Variants in H6PD observed in about 807,000 individuals in gnomAD.
H6PD encodes the protein hexose-6-phosphate dehydrogenase/glucose 1-dehydrogenase.
A neutral mutation model predicts 61.2 loss-of-function variants in H6PD; 48 were observed. The ratio of observed to expected loss-of-function variants is 0.78; its 90% CI spans 0.62 to 1.00. The LOEUF is 1.00. H6PD is among the 50% of genes least tolerant of loss of function. The probability of loss-of-function intolerance (pLI) is 0.00; values close to 1 mark genes in which losing one functional copy is unlikely to be tolerated. For synonymous variants in H6PD, 480 were observed against 457.9 expected, an observed-to-expected ratio of 1.05 and a Z score of -0.62; for missense variants, 1,093 against 1,065.0, an observed-to-expected ratio of 1.03 and a Z score of -0.37.
intron 3 of H6PD, among the ~76,000 whole-genome samples, chr1:9,250,990 C>T (rs1641343586): frequency 6.6e-6 from 1 of 152,190 alleles, no homozygotes; most frequent in African/African-American, 2.4e-5. Context: ...GAAAGGAAGA[C>T]GCGATCTGGT....
intron 3 of H6PD, among the ~76,000 whole-genome samples, chr1:9,248,370 G>C (rs1315668025): frequency 6.6e-6 from 1 of 152,152 alleles, no homozygotes; most frequent in Non-Finnish European, 1.5e-5. Flanking sequence ...TGTATTTAGT[G>C]CCAGAAGCTC....
Position 9,264,279 on chromosome 1 carries a change from G to A in H6PD, c.1786G>A (p.Val596Met), listed in dbSNP as rs200978401. 7.6e-4 allele frequency: 1,217 copies of A among 1,610,346 alleles called. 15 individuals carry two copies. In the Admixed American group the frequency reaches 0.017, roughly 23 times the overall value. The change falls in exon 5 of 5, where the codon GTG becomes ATG. Residue 596 changes from valine (V) to methionine (M), a missense_variant. Transcript: ENST00000377403. ...HLALSGGSSPVALFQQLATAH... is the reference protein window; with the variant it reads ...HLALSGGSSPMALFQQLATAH... The stretch of plus-strand genomic sequence containing the variant: ...GGCACTGTCGGGGGGCTCGAGCCCC[G>A]TGGCCCTGTTCCAGCAGCTGGCCAC...
rs34274595 is a variant in H6PD, at chr1:9,263,811, G to C, written c.1318G>C (p.Gly440Arg). 1 of 1,613,836 alleles carries C rather than the reference G, an allele frequency of 6.2e-7. No individual in the cohort carries two copies. The highest frequency in any genetic ancestry group is 8.5e-7 in the Non-Finnish European group (1 of 1,180,000). ...GGGACCACCTGGGCTCCGCCTTTTC[G>C]GCAGCCCTCTGTCCGATTACTACGC... ...MEGPPGLRLF[G>R]SPLSDYYAYS... Residue 440 changes from glycine (G) to arginine (R), a missense_variant, in exon 5 of 5, where the codon GGC (glycine) becomes CGC (arginine). By Grantham distance (125) the Gly-to-Arg change is moderately radical (BLOSUM62 -2). Coordinates refer to ENST00000377403, the MANE Select transcript of H6PD (RefSeq NM_004285.4).
At position 9,245,301 on chromosome 1, in the gene H6PD, G is replaced by T. The variant is rs192845481; in HGVS notation, c.367G>T (p.Asp123Tyr). The T allele has an allele frequency of 4.3e-6, 7 of 1,614,246 alleles. No individual in the cohort carries two copies. The Admixed American group carries it at 6.7e-5, about 15-fold the overall frequency. Residue 123 changes from aspartate to tyrosine, a missense_variant, in exon 2 of 5, where the codon GAC (aspartate) becomes TAC (tyrosine). Coordinates refer to ENST00000377403, the MANE Select transcript of H6PD (RefSeq NM_004285.4). This position sits in a 1 kb window ranked among gnomAD's most constrained non-coding sequence, Gnocchi z 4.8. ...TAEDYQALNK[D>Y]IEAQLQHAGL... ...CGAGGACTATCAGGCCCTGAACAAG[G>T]ACATCGAGGCACAGCTCCAGCACGC...
At position 9,264,374 on chromosome 1, in the gene H6PD, A is replaced by T; in HGVS notation, c.1881A>T (p.Ser627=). 6.2e-7 allele frequency: 1 copy of T among 1,612,880 alleles called. No homozygotes were observed. Among genetic ancestry groups the T allele is most frequent in the Non-Finnish European group, 8.5e-7 (1 of 1,179,920 alleles). The change falls in exon 5 of 5, where the codon TCA becomes TCT. Residue 627 remains serine, a synonymous_variant. Transcript: ENST00000377403. ...TTGACGAGCGCTGCGTCCCACTCTC[A>T]GACCCGGAGTCCAACTTCCAGGGCC... ...WLVDERCVPL[S]DPESNFQGLQ... is the part of the protein sequence containing the mutation.
In H6PD at chr1:9,262,296, A is replaced by T. The variant is rs1328104017; in HGVS notation, c.983A>T (p.Asp328Val). ...GTGCGCAGAGAGCTGCAGAAGCCAG[A>T]CAGCTTCCACAGCCTGACGCCGACC... is the stretch of plus-strand genomic sequence containing the variant. The part of the protein sequence containing the change: ...EQVRRELQKP[D>V]SFHSLTPTFA... Residue 328 changes from aspartate (D) to valine (V), a missense_variant, in exon 4 of 5, where the codon GAC becomes GTC. Asp to Val is a radical substitution (Grantham distance 152). Coordinates refer to ENST00000377403, the MANE Select transcript of H6PD (RefSeq NM_004285.4). 6.2e-7 allele frequency: 1 copy of T among 1,607,684 alleles called. No homozygotes were observed. The highest frequency in any genetic ancestry group is 1.3e-5 in the African/African-American group (1 of 74,808).
At chr1:9,259,806 G>A (rs76129046) in intron 3 of H6PD, among the ~76,000 whole-genome samples, 229 of 144,424 alleles carry the variant, frequency 1.6e-3, no homozygotes, top group African/African-American at 5.5e-3. Context: ...TGTTGCTGTT[G>A]TTACGGTGGT....
chr1:9,263,266 T>G (rs1638397987), intron 4 of H6PD, among the ~76,000 whole-genome samples: 1 of 151,920 alleles, frequency 6.6e-6, no homozygotes, highest in South Asian at 2.1e-4. Context: ...ACCATAACTC[T>G]AAGAGGGGCC....
intron 2 of H6PD, among the ~76,000 whole-genome samples, chr1:9,246,415 G>A (rs923112974): frequency 6.6e-6 from 1 of 152,208 alleles, no homozygotes; most frequent in Admixed American, 6.5e-5. Context: ...ATGCCTTGGA[G>A]GCCCTTGGGG....
At chr1:9,246,899 G>A (rs1641191293) in intron 2 of H6PD, 67 bp from the exon 3 acceptor site, 3 of 1,091,390 alleles carry the variant, frequency 2.7e-6, no homozygotes, top group Admixed American at 1.7e-5. Context: ...AGCCCTTCCC[G>A]GGAGTCAGGG....
intron 3 of H6PD, among the ~76,000 whole-genome samples, chr1:9,256,877 C>T (rs1399224062): frequency 6.6e-6 from 1 of 152,118 alleles, no homozygotes; most frequent in Non-Finnish European, 1.5e-5. Context: ...GCTTCTCTTT[C>T]TGTTTCCATG....
At chr1:9,236,688 A>AG (rs1259082427) in intron 1 of H6PD, among the ~76,000 whole-genome samples, 3 of 150,974 alleles carry the variant, frequency 2.0e-5, no homozygotes, top group Non-Finnish European at 4.4e-5. Flanking sequence ...AAAAAAAAAA[A>AG]GCAGCTAGGA....
intron 3 of H6PD, among the ~76,000 whole-genome samples, chr1:9,255,482 A>G (rs1012095108): frequency 1.3e-5 from 2 of 151,872 alleles, no homozygotes; most frequent in Non-Finnish European, 2.9e-5. Flanking sequence ...GGGTTTTGCC[A>G]TGTTGCCTAG....
chr1:9,248,468 G>T (rs1051011900), intron 3 of H6PD, among the ~76,000 whole-genome samples: 1 of 152,044 alleles, frequency 6.6e-6, no homozygotes, highest in Admixed American at 6.5e-5. Context: ...CGGGTGCTGT[G>T]GGGGGTGATG....
At chr1:9,255,045 A>C (rs1252956591) in intron 3 of H6PD, among the ~76,000 whole-genome samples, 1 of 152,234 alleles carries the variant, frequency 6.6e-6, no homozygotes, top group Non-Finnish European at 1.5e-5. Flanking sequence ...TTTACTGCTG[A>C]ATAATATCTT....
At chr1:9,243,891 G>C (rs1039584232) in intron 1 of H6PD, among the ~76,000 whole-genome samples, 4 of 151,892 alleles carry the variant, frequency 2.6e-5, no homozygotes, top group Non-Finnish European at 5.9e-5. Context: ...GGGGGGGTCT[G>C]ACGTCAGGGT....
intron 3 of H6PD, among the ~76,000 whole-genome samples, chr1:9,252,425 A>C (rs1641396527): frequency 6.6e-6 from 1 of 151,956 alleles, no homozygotes; most frequent in Non-Finnish European, 1.5e-5. Context: ...ATTATCTTGG[A>C]GTCTTGTTAT....
At chr1:9,238,287 A>G (rs1640905316) in intron 1 of H6PD, among the ~76,000 whole-genome samples, 1 of 152,146 alleles carries the variant, frequency 6.6e-6, no homozygotes, top group African/African-American at 2.4e-5. Context: ...TCAAAGAGGT[A>G]ATGGGTGGGA....
At chr1:9,259,344 CTGG>C (rs1371462028) in intron 3 of H6PD, among the ~76,000 whole-genome samples, 1 of 152,136 alleles carries the variant, frequency 6.6e-6, no homozygotes, top group Non-Finnish European at 1.5e-5. Context: ...TGTTGTTACA[CTGG>C]TGTTGTATGG....
Sources: gnomAD v4.1 joint callset for allele counts (sites outside exome capture counted in the v4.1 genomes callset) on GRCh38, gnomAD v4.1.1 for gene constraint, Gnocchi (gnomAD v3.1) non-coding constraint, MANE v1.5 for transcripts, NCBI Gene and HGNC (gene_info 2026-07-23, HGNC 2026-07-21) for gene names.